Variants in ZYG11B observed in about 807,000 individuals in gnomAD.
ZYG11B encodes protein zyg-11 homolog B.
A neutral mutation model predicts 82.4 loss-of-function variants in ZYG11B; 36 were observed. That is an observed-to-expected ratio of 0.44 (90% CI 0.33 to 0.58). The LOEUF is 0.58. Among genes scored for constraint, ZYG11B ranks in the 20% least tolerant of loss-of-function variants. ZYG11B has a pLI of 0.02. For synonymous variants in ZYG11B, 303 were observed against 312.8 expected, an observed-to-expected ratio of 0.97 and a Z score of 0.33; for missense variants, 552 against 895.6, an observed-to-expected ratio of 0.62 and a Z score of 4.90.
chr1:52,741,315 A>AAAAAAAAG (rs1553257617), intron 1 of ZYG11B, among the ~76,000 whole-genome samples: 2 of 142,664 alleles, frequency 1.4e-5, no homozygotes, highest in Admixed American at 7.0e-5. Context: ...AAAAAAAAAA[A>AAAAAAAAG]AAAAGAAAAG....
chr1:52,747,036 T>G (rs984967795), intron 1 of ZYG11B, among the ~76,000 whole-genome samples: 1 of 151,816 alleles, frequency 6.6e-6, no homozygotes, highest in Non-Finnish European at 1.5e-5. Flanking sequence ...CTTGGGTACA[T>G]TATTATTTCT....
intron 10 of ZYG11B, chr1:52,805,212 C>A: frequency 3.6e-6 from 1 of 279,840 alleles, no homozygotes; most frequent in South Asian, 3.8e-5. Flanking sequence ...CAAGTGAGCA[C>A]AAAAAAGCAG....
chr1:52,767,668 A>G (rs1426584426), intron 2 of ZYG11B, among the ~76,000 whole-genome samples: 1 of 152,152 alleles, frequency 6.6e-6, no homozygotes, highest in Admixed American at 6.6e-5. Flanking sequence ...GTGCAGGGCT[A>G]TGCAGAGGTT....
chr1:52,735,559 CAG>C (rs1644372024), intron 1 of ZYG11B, among the ~76,000 whole-genome samples: 1 of 151,812 alleles, frequency 6.6e-6, no homozygotes, highest in African/African-American at 2.4e-5. Context: ...TATTTTGAGA[CAG>C]AGTCTCTCTC....
At chr1:52,740,469 C>T (rs935384571) in intron 1 of ZYG11B, among the ~76,000 whole-genome samples, 5 of 152,024 alleles carry the variant, frequency 3.3e-5, no homozygotes, top group Non-Finnish European at 5.9e-5. Context: ...AAAAGAAAAA[C>T]AATTCCCCAT....
Position 52,776,229 on chromosome 1 carries a change from A to AAATATATATATAT in ZYG11B, c.952-3623_952-3622insATATATATATATA. On this transcript the variant is annotated intron_variant, in intron 3 of 13. Transcript: ENST00000294353. Reference sequence around the variant, plus strand: ...AGCAAAACTCTGTCTTAAAAAAAAAAATATATATATATATATGCAATAAAG... The same window carrying AAATATATATATAT: ...AGCAAAACTCTGTCTTAAAAAAAAAAAATATATATATATATATATATATATATATGCAATAAAG... 8.1e-4 allele frequency among the ~76,000 whole-genome samples: 19 copies of AAATATATATATAT among 23,532 alleles called. 1 individual carries two copies. Among genetic ancestry groups the AAATATATATATAT allele is most frequent in the East Asian group, 3.3e-3 (5 of 1,494 alleles). 15.4% of individuals were successfully genotyped at this position (23,532 alleles called of 152,430 possible).
rs555751390 is a variant in ZYG11B, at chr1:52,790,478, C to T, written c.1334+411C>T. ...AGGCACAGTGGCTCATGCCTATAAT[C>T]CCAGCGCTTTAGGAGGCCAAAGCGG... is the stretch of plus-strand genomic sequence containing the variant. On this transcript the variant is annotated intron_variant, in intron 6 of 13. Transcript: ENST00000294353. Among the ~76,000 whole-genome samples, 315 of 152,076 alleles carry T rather than the reference C, an allele frequency of 2.1e-3. 3 individuals are homozygous for T. Among genetic ancestry groups the T allele is most frequent in the Middle Eastern group, 3.4e-3 (1 of 294 alleles).
chr1:52,791,541 G>GT (rs1335792121), intron 6 of ZYG11B, among the ~76,000 whole-genome samples: 2 of 151,288 alleles, frequency 1.3e-5, no homozygotes, highest in East Asian at 3.9e-4. Context: ...GCTAATTTTT[G>GT]TATTTTTAGT....
intron 12 of ZYG11B, 43 bp downstream of exon 12, chr1:52,813,955 A>G (rs753838123): frequency 1.3e-6 from 2 of 1,588,872 alleles, no homozygotes; most frequent in Non-Finnish European, 1.7e-6. Flanking sequence ...AACCTAGTCT[A>G]GAGATCATTC....
intron 4 of ZYG11B, among the ~76,000 whole-genome samples, chr1:52,783,895 CGTG>C (rs1644885533): frequency 8.7e-6 from 1 of 115,232 alleles, no homozygotes; most frequent in African/African-American, 5.4e-5. Flanking sequence ...TGTACATACA[CGTG>C]TGTGTATATA....
intron 1 of ZYG11B, among the ~76,000 whole-genome samples, chr1:52,738,995 T>TTTTTTTG (rs890359202): frequency 3.4e-5 from 5 of 147,472 alleles, no homozygotes; most frequent in African/African-American, 1.3e-4. Flanking sequence ...CTTTTTTTTT[T>TTTTTTTG]TTTGGAGACA....
At chr1:52,773,627 A>ATATATATCTTT (rs1553260059) in intron 3 of ZYG11B, among the ~76,000 whole-genome samples, 1 of 29,244 alleles carries the variant, frequency 3.4e-5, no homozygotes, top group African/African-American at 1.8e-4. Flanking sequence ...ATATATATAT[A>ATATATATCTTT]TTTTTTTTTT....
chr1:52,795,590 T>C (rs1389206298), intron 6 of ZYG11B, among the ~76,000 whole-genome samples: 2 of 152,100 alleles, frequency 1.3e-5, no homozygotes, highest in Non-Finnish European at 2.9e-5. Context: ...GTTGTATTTC[T>C]CCTCCCCTCT....
intron 2 of ZYG11B, among the ~76,000 whole-genome samples, chr1:52,757,853 G>A (rs1644592828): frequency 6.6e-6 from 1 of 152,082 alleles, no homozygotes; most frequent in Non-Finnish European, 1.5e-5. Flanking sequence ...GCTCTTATCT[G>A]TGTAGTTTTG....
At chr1:52,759,815 A>G (rs753431812) in intron 2 of ZYG11B, among the ~76,000 whole-genome samples, 31 of 152,104 alleles carry the variant, frequency 2.0e-4, no homozygotes, top group Non-Finnish European at 4.1e-4. Context: ...TGATACTTTT[A>G]TTTTTTATTT....
At position 52,803,275 on chromosome 1, in the gene ZYG11B, CACACAT is replaced by C. The variant is rs1558140709; in HGVS notation, c.1695+1138_1695+1143del. ...ATATATATATATATATACACACACA[CACACAT>C]ATATATATATATATATACACATATA... On this transcript the variant is annotated intron_variant, in intron 10 of 13. Transcript: ENST00000294353. 3.8e-4 allele frequency among the ~76,000 whole-genome samples: 41 copies of C among 108,130 alleles called. 2 individuals are homozygous for C. The highest frequency in any genetic ancestry group is 8.3e-4 in the East Asian group (3 of 3,602). The allele number at this position is 108,130 out of a possible 152,430, so 70.9% of individuals were successfully genotyped here. A position where few individuals can be genotyped will look rare whatever the true frequency, so the allele number is the denominator to read the frequency against.
At chr1:52,750,946 C>A (rs1443031220) in intron 1 of ZYG11B, among the ~76,000 whole-genome samples, 2 of 152,104 alleles carry the variant, frequency 1.3e-5, no homozygotes, top group East Asian at 3.9e-4. Flanking sequence ...CATCAGCATT[C>A]CTGTTTTGCT....
At chr1:52,777,738 G>A (rs1405781719) in intron 3 of ZYG11B, among the ~76,000 whole-genome samples, 1 of 151,776 alleles carries the variant, frequency 6.6e-6, no homozygotes, top group Non-Finnish European at 1.5e-5. Flanking sequence ...CATCATGCCT[G>A]GCTGAATATT....
At chr1:52,790,327 T>G (rs893568852) in intron 6 of ZYG11B, among the ~76,000 whole-genome samples, 3 of 152,174 alleles carry the variant, frequency 2.0e-5, no homozygotes, top group African/African-American at 4.8e-5. Flanking sequence ...CACATGATAT[T>G]GTAAGCTATG....
Sources: gnomAD v4.1 joint callset for allele counts (sites outside exome capture counted in the v4.1 genomes callset) on GRCh38, gnomAD v4.1.1 for gene constraint, MANE v1.5 for transcripts, NCBI Gene and HGNC (gene_info 2026-07-23, HGNC 2026-07-21) for gene names.